Variants in DMD observed in about 807,000 individuals in gnomAD.
DMD encodes the protein mutant dystrophin.
In DMD, 63 loss-of-function variants were observed where a neutral mutation model predicts 330.1. The observed-to-expected ratio is 0.19, with a 90% CI of 0.16 to 0.24. DMD has a LOEUF of 0.24. DMD is among the 10% of genes least tolerant of loss of function. The pLI is 1.00. For synonymous variants in DMD, 1,223 were observed against 959.8 expected (o/e 1.27, Z -5.07); for missense variants, 3,344 against 2,684.1 (o/e 1.25, Z -5.43).
chrX:32,865,523 T>TA lies in DMD; in HGVS notation c.94-15704dup, dbSNP rs773766520. On this transcript the variant is annotated intron_variant, in intron 2 of 78. Transcript: ENST00000357033. ...AATAGACGCACTGTTCAAGGAACTA[T>TA]AAGCCACTTCTTGGAACGTAAGTGG... Among the ~76,000 whole-genome samples the TA allele has an allele frequency of 5.2e-3, 584 of 111,950 alleles. 4 individuals carry two copies. The highest frequency in any genetic ancestry group is 9.2e-3 in the Middle Eastern group (2 of 217).
Position 31,496,917 on chromosome X carries a change from C to G in DMD, c.8418G>C (p.Gln2806His), listed in dbSNP as rs953271494. 2 of 1,209,471 alleles carry G rather than the reference C, an allele frequency of 1.7e-6. No homozygotes were observed. Among genetic ancestry groups the G allele is most frequent in the Admixed American group, 4.4e-5 (2 of 45,824 alleles). Residue 2806 changes from glutamine (Q) to histidine (H), a missense_variant, in exon 57 of 79, where the codon CAG becomes CAC. Physicochemically the swap from Gln to His is conservative, Grantham distance 24 (BLOSUM62 0). Coordinates refer to ENST00000357033, the MANE Select transcript of DMD (RefSeq NM_004006.3). Reference sequence around the variant, plus strand: ...GCAGAGAAAGGTGCAGACGCTTCCACTGGTCAGAACTGGCTTCCAAATGGG... The same window carrying G: ...GCAGAGAAAGGTGCAGACGCTTCCAGTGGTCAGAACTGGCTTCCAAATGGG... ...IRSHLEASSD[Q>H]WKRLHLSLQE... is the part of the protein sequence containing the mutation.
intron 1 of DMD, among the ~76,000 whole-genome samples, chrX:33,042,755 T>C (rs370067426): frequency 2.7e-5 from 3 of 112,261 alleles, no homozygotes; most frequent in East Asian, 5.5e-4. Flanking sequence ...AGCTGTTGTT[T>C]GTGTTTTTTA....
At chrX:32,247,177 C>T (rs1469878803) in intron 43 of DMD, among the ~76,000 whole-genome samples, 2 of 111,594 alleles carry the variant, frequency 1.8e-5, no homozygotes, top group African/African-American at 6.5e-5. Flanking sequence ...ATATTATGGA[C>T]CCCCATGCAC....
intron 37 of DMD, among the ~76,000 whole-genome samples, chrX:32,361,823 T>C (rs952627125): frequency 2.7e-5 from 3 of 111,447 alleles, no homozygotes; most frequent in Admixed American, 1.9e-4. Flanking sequence ...TACTCCAATG[T>C]TTTTTTCATT....
At chrX:33,171,884 T>C (rs1479706257) in intron 1 of DMD, among the ~76,000 whole-genome samples, 1 of 110,994 alleles carries the variant, frequency 9.0e-6, no homozygotes, top group Non-Finnish European at 1.9e-5. Flanking sequence ...GAGAGATATT[T>C]TGTGATCCAA....
chrX:32,089,507 T>C (rs1432256989), intron 44 of DMD, among the ~76,000 whole-genome samples: 1 of 111,639 alleles, frequency 9.0e-6, no homozygotes, highest in Non-Finnish European at 1.9e-5. Context: ...TCTCATCATT[T>C]AGCTTCCATT....
intron 1 of DMD, among the ~76,000 whole-genome samples, chrX:33,268,042 T>G (rs149934836): frequency 4.8e-5 from 5 of 104,992 alleles, no homozygotes; most frequent in African/African-American, 1.1e-4. Context: ...CAGGCTGGAG[T>G]ACAGTGGTGT....
At chrX:31,375,428 G>C (rs2059835486) in intron 60 of DMD, among the ~76,000 whole-genome samples, 1 of 111,336 alleles carries the variant, frequency 9.0e-6, no homozygotes, top group African/African-American at 3.3e-5. Flanking sequence ...CTGCTTCTGA[G>C]CCTAGTCTTG....
chrX:32,569,790 G>T (rs2052187817), intron 15 of DMD, among the ~76,000 whole-genome samples: 1 of 110,351 alleles, frequency 9.1e-6, no homozygotes, highest in Non-Finnish European at 1.9e-5. Context: ...TAATCTCTTG[G>T]ATCACCCTGC....
chrX:32,672,822 G>T (rs1340466938), intron 9 of DMD, among the ~76,000 whole-genome samples: 1 of 110,720 alleles, frequency 9.0e-6, no homozygotes, highest in African/African-American at 3.3e-5. Flanking sequence ...CATAGATAAC[G>T]GAAGAGTGAA....
intron 60 of DMD, among the ~76,000 whole-genome samples, chrX:31,410,499 A>G (rs2061589388): frequency 9.0e-6 from 1 of 111,541 alleles, no homozygotes; most frequent in African/African-American, 3.3e-5. Flanking sequence ...TAATTTTTGC[A>G]GTATACTTTT....
At chrX:32,723,081 T>C (rs1458160155) in intron 7 of DMD, among the ~76,000 whole-genome samples, 1 of 111,409 alleles carries the variant, frequency 9.0e-6, no homozygotes, top group Non-Finnish European at 1.9e-5. Context: ...TTTTCATAAA[T>C]AGCCTTGATG....
At chrX:31,383,020 T>C (rs1267878421) in intron 60 of DMD, among the ~76,000 whole-genome samples, 1 of 111,552 alleles carries the variant, frequency 9.0e-6, no homozygotes, top group Non-Finnish European at 1.9e-5. Context: ...AGAAGTGAAA[T>C]TTAAATGGCC....
intron 62 of DMD, among the ~76,000 whole-genome samples, chrX:31,297,627 T>TA (rs1445002054): frequency 8.9e-6 from 1 of 112,074 alleles, no homozygotes; most frequent in African/African-American, 3.2e-5. Flanking sequence ...AGTCAGCCAT[T>TA]AATCTTTCCC....
intron 41 of DMD, among the ~76,000 whole-genome samples, chrX:32,329,898 A>G (rs1235110925): frequency 8.9e-6 from 1 of 112,607 alleles, no homozygotes; most frequent in Non-Finnish European, 1.9e-5. Flanking sequence ...GTTTGTACAG[A>G]TATGGGCACT....
intron 62 of DMD, among the ~76,000 whole-genome samples, chrX:31,262,556 C>G (rs1219309561): frequency 1.8e-5 from 2 of 112,446 alleles, no homozygotes; most frequent in African/African-American, 6.5e-5. Context: ...AGAAAATGTT[C>G]ACTTGTGAAG....
At chrX:31,923,593 C>T (rs1303095589) in intron 47 of DMD, among the ~76,000 whole-genome samples, 3 of 99,361 alleles carry the variant, frequency 3.0e-5, no homozygotes, top group Non-Finnish European at 6.0e-5. Context: ...AGGTGAACAC[C>T]CTTTTTTTTT....
chrX:33,092,391 T>G (rs1046573790), intron 1 of DMD, among the ~76,000 whole-genome samples: 9 of 112,202 alleles, frequency 8.0e-5, no homozygotes, highest in African/African-American at 2.3e-4. Flanking sequence ...CCAAATATCC[T>G]GAAATTAATT....
intron 30 of DMD, among the ~76,000 whole-genome samples, chrX:32,405,180 C>G (rs2098110778): frequency 8.9e-6 from 1 of 111,751 alleles, no homozygotes; most frequent in African/African-American, 3.3e-5. Context: ...AAAAAAGTTT[C>G]CAAAAATTCT....
Sources: gnomAD v4.1 joint callset for allele counts (sites outside exome capture counted in the v4.1 genomes callset) on GRCh38, gnomAD v4.1.1 for gene constraint, MANE v1.5 for transcripts, NCBI Gene and HGNC (gene_info 2026-07-23, HGNC 2026-07-21) for gene names.